The following MCTP2 variants were observed in gnomAD, a reference collection of about 807,000 sequenced individuals.
MCTP2 encodes multiple C2 and transmembrane domain-containing protein 2.
In MCTP2, 132 loss-of-function variants were observed where a neutral mutation model predicts 111.6. That is an observed-to-expected ratio of 1.18 (90% CI 1.03 to 1.37). MCTP2 has a LOEUF of 1.37. Among genes scored for constraint, MCTP2 ranks in the 40% most tolerant of loss-of-function variants. The pLI, the probability that MCTP2 is intolerant of heterozygous loss-of-function variation, is 0.00. For missense variants in MCTP2, 1,183 were observed against 1,067.9 expected (o/e 1.11, Z -1.50); for synonymous variants, 395 against 387.7 (o/e 1.02, Z -0.22).
Position 94,256,356 on chromosome 15 carries a change from T to C in MCTP2, c.-66+24692T>C, listed in dbSNP as rs1011514866. Among the ~76,000 whole-genome samples, 3 of 152,132 alleles carry C rather than the reference T, an allele frequency of 2.0e-5. No individual in the cohort carries two copies. The East Asian group carries it at 5.8e-4, about 29-fold the overall frequency. On this transcript the variant is annotated intron_variant, in intron 1 of 22. Transcript: ENST00000357742. ...TACAAAAATCTGAAATCAGAAATAC[T>C]CTGGTCCCAAGCATTTTGAATAAGG...
chr15:94,265,277 C>CT (rs2073449923), intron 1 of MCTP2, among the ~76,000 whole-genome samples: 1 of 152,144 alleles, frequency 6.6e-6, no homozygotes, highest in Non-Finnish European at 1.5e-5. Context: ...TATACTAACT[C>CT]TAAGTGCAGA....
At position 94,272,220 on chromosome 15, in the gene MCTP2, T is replaced by C. The variant is rs549602411; in HGVS notation, c.-65-25981T>C. ...GTAATGGCTAAGACAATTTTTTTTA[T>C]TGGATGGTGCTTAATTTCAAAACTT... is the stretch of plus-strand genomic sequence containing the variant. On this transcript the variant is annotated intron_variant, in intron 1 of 22. Transcript: ENST00000357742. Among the ~76,000 whole-genome samples the C allele has an allele frequency of 4.6e-3, 700 of 152,302 alleles. 4 individuals carry two copies. The highest frequency in any genetic ancestry group is 0.016 in the African/African-American group (656 of 41,564).
intron 20 of MCTP2, among the ~76,000 whole-genome samples, chr15:94,469,949 G>A (rs1567781162): frequency 6.6e-6 from 1 of 152,130 alleles, no homozygotes; most frequent in South Asian, 2.1e-4. Context: ...GTAACCGTGT[G>A]TTTATTGAGA....
chr15:94,419,174 C>A (rs569336845), intron 17 of MCTP2, among the ~76,000 whole-genome samples: 7 of 152,142 alleles, frequency 4.6e-5, no homozygotes, highest in African/African-American at 1.7e-4. Context: ...TGGGGTTATA[C>A]CCACACCAAA....
At chr15:94,444,688 A>C (rs1220945155) in intron 19 of MCTP2, among the ~76,000 whole-genome samples, 6 of 152,222 alleles carry the variant, frequency 3.9e-5, no homozygotes, top group Non-Finnish European at 8.8e-5. Flanking sequence ...TCACTTAGGA[A>C]ACTCCAGGAA....
intron 4 of MCTP2, among the ~76,000 whole-genome samples, chr15:94,338,809 C>T (rs970582136): frequency 1.3e-5 from 2 of 152,166 alleles, no homozygotes; most frequent in Admixed American, 6.5e-5. Flanking sequence ...GTAGCCCCAT[C>T]GTGCCATCTT....
chr15:94,399,846 C>T (rs950829146), intron 15 of MCTP2, 75 bp from the exon 16 acceptor site: 2 of 1,311,754 alleles, frequency 1.5e-6, no homozygotes, highest in Non-Finnish European at 2.2e-6. Context: ...GCACGATTTT[C>T]CCAGTCATTA....
chr15:94,366,868 G>A (rs2079210789), intron 10 of MCTP2, among the ~76,000 whole-genome samples: 1 of 152,092 alleles, frequency 6.6e-6, no homozygotes, highest in African/African-American at 2.4e-5. Context: ...CCCCTTTTTG[G>A]TGTTTGCTTC....
In MCTP2 at chr15:94,367,578, C is replaced by T. The variant is rs757217633; in HGVS notation, c.1302-27C>T. On this transcript the variant is annotated intron_variant, in intron 10 of 22. Coordinates refer to ENST00000357742, the MANE Select transcript of MCTP2 (RefSeq NM_001385001.1). Reference sequence around the variant, plus strand: ...GTGGCCTTGAATTAATCACTTTTCTCTCTCTTGATTCCTGAAACTTTTCTA... The same window carrying T: ...GTGGCCTTGAATTAATCACTTTTCTTTCTCTTGATTCCTGAAACTTTTCTA... 4 of 1,583,694 alleles carry T rather than the reference C, an allele frequency of 2.5e-6. No homozygotes were observed. In the South Asian group the frequency reaches 4.5e-5, roughly 18 times the overall value.
At chr15:94,465,510 A>C (rs1356890916) in intron 20 of MCTP2, among the ~76,000 whole-genome samples, 1 of 152,156 alleles carries the variant, frequency 6.6e-6, no homozygotes, top group African/African-American at 2.4e-5. Context: ...ATTGTATGTA[A>C]CATTTCGGAA....
rs539337962 is a variant in MCTP2, at chr15:94,368,816, T to G, written c.1488+1025T>G. The stretch of plus-strand genomic sequence containing the variant: ...CAAATTTACCAAATTCATGAGGAGT[T>G]TTGTGTGTTTATAAAGGAACATTAG... On this transcript the variant is annotated intron_variant, in intron 11 of 22. Coordinates refer to ENST00000357742, the MANE Select transcript of MCTP2 (RefSeq NM_001385001.1). Among the ~76,000 whole-genome samples the G allele has an allele frequency of 1.1e-3, 174 of 152,308 alleles. 2 individuals carry two copies. Among genetic ancestry groups the G allele is most frequent in the African/African-American group, 4.0e-3 (166 of 41,568 alleles).
chr15:94,238,207 A>T (rs1005302295), intron 1 of MCTP2, among the ~76,000 whole-genome samples: 14 of 152,182 alleles, frequency 9.2e-5, no homozygotes, highest in Non-Finnish European at 1.9e-4. Context: ...TTGTTGACAT[A>T]GTAGAGTGAG....
chr15:94,287,553 C>G (rs2074820382), intron 1 of MCTP2, among the ~76,000 whole-genome samples: 1 of 152,150 alleles, frequency 6.6e-6, no homozygotes, highest in South Asian at 2.1e-4. Context: ...GGTCAGCGTG[C>G]TTTGCAAAAC....
chr15:94,337,987 A>G (rs78282603), intron 4 of MCTP2, among the ~76,000 whole-genome samples: 3,829 of 152,282 alleles, frequency 0.025, 137 homozygotes, highest in African/African-American at 0.087. Context: ...AATTTTTAGT[A>G]CTGGAGCTAA....
chr15:94,240,411 A>C (rs766626817), intron 1 of MCTP2, among the ~76,000 whole-genome samples: 1 of 151,944 alleles, frequency 6.6e-6, no homozygotes, highest in Non-Finnish European at 1.5e-5. Flanking sequence ...CAATCACTGC[A>C]CTCTGTTTTG....
In MCTP2 at chr15:94,336,160, GC is replaced by G. The variant is rs1473141925; in HGVS notation, c.638-3129del. Among the ~76,000 whole-genome samples the G allele has an allele frequency of 4.6e-5, 7 of 152,042 alleles. No individual in the cohort carries two copies. The East Asian group carries it at 1.2e-3, about 25-fold the overall frequency. On this transcript the variant is annotated intron_variant, in intron 4 of 22. Coordinates refer to ENST00000357742, the MANE Select transcript of MCTP2 (RefSeq NM_001385001.1). ...CTGGATAGATTGAAATGCATGCTCGGCACCACACCGCTCTAGTCATTTTGAG... is the reference window on the plus strand; with the variant it reads ...CTGGATAGATTGAAATGCATGCTCGGACCACACCGCTCTAGTCATTTTGAG...
intron 17 of MCTP2, among the ~76,000 whole-genome samples, chr15:94,414,603 G>T (rs2082295573): frequency 6.6e-6 from 1 of 152,186 alleles, no homozygotes; most frequent in South Asian, 2.1e-4. Flanking sequence ...AGTGTGTCCT[G>T]CAGAGTAACC....
At chr15:94,465,581 CTTTCTTTTCTCCT>C (rs1484819757) in intron 20 of MCTP2, among the ~76,000 whole-genome samples, 1 of 151,928 alleles carries the variant, frequency 6.6e-6, no homozygotes, top group Non-Finnish European at 1.5e-5. Context: ...ACAGTCTCAC[CTTTCTTTTCTCCT>C]TTTCTGTACT....
rs1029934333 is a variant in MCTP2 at position 94,481,820 on chromosome 15, G to A, written c.*2786G>A. On this transcript the variant is annotated 3_prime_UTR_variant, in exon 23 of 23. Coordinates refer to ENST00000357742, the MANE Select transcript of MCTP2 (RefSeq NM_001385001.1). ...AATAAATACATGTTTAACAGGCCAGGTCGTAGAGATTATTTTTCTTTCTCT... is the reference window on the plus strand; with the variant it reads ...AATAAATACATGTTTAACAGGCCAGATCGTAGAGATTATTTTTCTTTCTCT... 1.3e-5 allele frequency: 2 copies of A among 152,270 alleles called. No individual in the cohort carries two copies. The highest frequency in any genetic ancestry group is 2.9e-5 in the Non-Finnish European group (2 of 68,070). 9.4% of individuals were successfully genotyped at this position (152,270 alleles called of 1,614,324 possible). A position where few individuals can be genotyped will look rare whatever the true frequency, so the allele number is the denominator to read the frequency against.
Sources: gnomAD v4.1 joint callset for allele counts (sites outside exome capture counted in the v4.1 genomes callset) on GRCh38, gnomAD v4.1.1 for gene constraint, MANE v1.5 for transcripts, NCBI Gene and HGNC (gene_info 2026-07-23, HGNC 2026-07-21) for gene names.